PIP4K2A: variants seen among roughly 807,000 people sequenced by gnomAD.
The protein encoded by PIP4K2A is phosphatidylinositol-5-phosphate 4-kinase type 2 alpha, also known as phosphatidylinositol 5-phosphate 4-kinase type-2 alpha.
In PIP4K2A, 14 loss-of-function variants were observed where a neutral mutation model predicts 42.9. That is an observed-to-expected ratio of 0.33 (90% confidence interval 0.22 to 0.51). PIP4K2A has a LOEUF of 0.51. PIP4K2A is among the 20% of genes least tolerant of loss of function. PIP4K2A has a pLI of 0.97. For synonymous variants in PIP4K2A, 192 were observed against 192.2 expected (o/e 1.00, Z 0.01); for missense variants, 434 against 519.8 (o/e 0.83, Z 1.61).
chr10:22,687,329 A>G (rs1839785445), intron 1 of PIP4K2A, among the ~76,000 whole-genome samples: 1 of 152,128 alleles, frequency 6.6e-6, no homozygotes, highest in Non-Finnish European at 1.5e-5. Context: ...AAGGTCAGGT[A>G]TGCATTTAAT....
chr10:22,664,880 G>A (rs1050558800), intron 1 of PIP4K2A, among the ~76,000 whole-genome samples: 1 of 151,956 alleles, frequency 6.6e-6, no homozygotes, highest in South Asian at 2.1e-4. Flanking sequence ...AACACAAAAT[G>A]GAAAACTGGA....
chr10:22,610,400 G>A (rs1332018931), intron 1 of PIP4K2A, among the ~76,000 whole-genome samples: 2 of 152,192 alleles, frequency 1.3e-5, no homozygotes, highest in Non-Finnish European at 2.9e-5. Flanking sequence ...ACACAATTTT[G>A]AAAAACCTGA....
At chr10:22,601,157 A>AC (rs1564437925) in intron 3 of PIP4K2A, among the ~76,000 whole-genome samples, 12 of 134,772 alleles carry the variant, frequency 8.9e-5, no homozygotes, top group Admixed American at 3.0e-4. Context: ...AAAAAAAAAA[A>AC]AAAAAACAAA....
At chr10:22,551,890 T>C (rs1836418727) in intron 6 of PIP4K2A, among the ~76,000 whole-genome samples, 2 of 152,202 alleles carry the variant, frequency 1.3e-5, no homozygotes, top group African/African-American at 2.4e-5. Flanking sequence ...ATCTTTCACA[T>C]GCTCGAACTG....
chr10:22,703,533 C>T (rs78403926), intron 1 of PIP4K2A, among the ~76,000 whole-genome samples: 13,011 of 152,244 alleles, frequency 0.085, 724 homozygotes, highest in Middle Eastern at 0.21. Context: ...GCAGCTGGAA[C>T]ATAGGAATCA....
chr10:22,650,655 T>C (rs1180405558), intron 1 of PIP4K2A, among the ~76,000 whole-genome samples: 1 of 152,224 alleles, frequency 6.6e-6, no homozygotes, highest in East Asian at 1.9e-4. Flanking sequence ...AGAAAGTTAA[T>C]GTTCTCAACA....
At chr10:22,696,260 G>A (rs1165836171) in intron 1 of PIP4K2A, among the ~76,000 whole-genome samples, 2 of 152,176 alleles carry the variant, frequency 1.3e-5, no homozygotes, top group African/African-American at 2.4e-5. Context: ...TAAAAGAACT[G>A]TGTTTTTGTT....
chr10:22,576,700 A>G (rs1017061725), intron 4 of PIP4K2A, among the ~76,000 whole-genome samples: 1 of 152,226 alleles, frequency 6.6e-6, no homozygotes, highest in Non-Finnish European at 1.5e-5. Flanking sequence ...GGTGCATAAA[A>G]AGTAGTATGG....
chr10:22,595,618 G>A (rs1240856031), intron 3 of PIP4K2A, among the ~76,000 whole-genome samples: 1 of 152,080 alleles, frequency 6.6e-6, no homozygotes, highest in African/African-American at 2.4e-5. Flanking sequence ...TCAGCCAGGT[G>A]TGGTGGTGCA....
chr10:22,564,539 A>C lies in PIP4K2A; in HGVS notation c.678+3312T>G, dbSNP rs548846821. Among the ~76,000 whole-genome samples, 6 of 152,278 alleles carry C rather than the reference A, an allele frequency of 3.9e-5. No individual in the cohort carries two copies. In the East Asian group the frequency reaches 1.2e-3, roughly 29 times the overall value. On this transcript the variant is annotated intron_variant, in intron 6 of 9. Transcript: ENST00000376573. Reference sequence around the variant, plus strand: ...CCCTGGCATTTCCTCTGAGGAGAAAATCTCAACAAAATTTAGCCTCTGAGC... The same window carrying C: ...CCCTGGCATTTCCTCTGAGGAGAAACTCTCAACAAAATTTAGCCTCTGAGC...
chr10:22,612,719 G>A (rs1356102558), intron 1 of PIP4K2A, among the ~76,000 whole-genome samples: 3 of 151,808 alleles, frequency 2.0e-5, no homozygotes, highest in Non-Finnish European at 4.4e-5. Flanking sequence ...CTGCATGCAT[G>A]CGGGGGAAGC....
intron 1 of PIP4K2A, among the ~76,000 whole-genome samples, chr10:22,687,302 T>C (rs922786825): frequency 1.1e-4 from 16 of 152,202 alleles, no homozygotes; most frequent in South Asian, 1.0e-3. Flanking sequence ...TGATTTTATA[T>C]GTGGACTCTT....
At chr10:22,686,632 T>TA (rs1839769689) in intron 1 of PIP4K2A, among the ~76,000 whole-genome samples, 1 of 152,150 alleles carries the variant, frequency 6.6e-6, no homozygotes, top group African/African-American at 2.4e-5. Context: ...AACTAATTAG[T>TA]TAAAAAAATT....
At position 22,627,154 on chromosome 10, in the gene PIP4K2A, C is replaced by T. The variant is rs539776763; in HGVS notation, c.145-17437G>A. Among the ~76,000 whole-genome samples, 98 of 152,274 alleles carry T rather than the reference C, an allele frequency of 6.4e-4. 1 individual carries two copies. Among genetic ancestry groups the T allele is most frequent in the African/African-American group, 2.3e-3 (95 of 41,568 alleles). On this transcript the variant is annotated intron_variant, in intron 1 of 9. Transcript: ENST00000376573. ...AGAGAATCCTAATTCCTAATTAGAT[C>T]AATTAACATTAATTTCTCATTCTCC...
intron 8 of PIP4K2A, among the ~76,000 whole-genome samples, chr10:22,541,559 T>C (rs796200931): frequency 7.9e-5 from 12 of 152,356 alleles, no homozygotes; most frequent in African/African-American, 2.9e-4. Context: ...ATGTATAGTA[T>C]AGTTCGTGGT....
At chr10:22,569,909 G>T (rs776757775) in intron 5 of PIP4K2A, among the ~76,000 whole-genome samples, 2 of 152,244 alleles carry the variant, frequency 1.3e-5, no homozygotes, top group African/African-American at 2.4e-5. Context: ...ACAACTGAGA[G>T]CACTGGCAAG....
At chr10:22,556,829 A>T (rs1588623600) in intron 6 of PIP4K2A, among the ~76,000 whole-genome samples, 1 of 152,232 alleles carries the variant, frequency 6.6e-6, no homozygotes, top group East Asian at 1.9e-4. Flanking sequence ...TATTATAGAC[A>T]TTTCTCCCTC....
chr10:22,557,962 A>G (rs1836593479), intron 6 of PIP4K2A, among the ~76,000 whole-genome samples: 1 of 152,248 alleles, frequency 6.6e-6, no homozygotes, highest in African/African-American at 2.4e-5. Context: ...ACTAGGTTTT[A>G]ATGCAAAGGA....
intron 1 of PIP4K2A, among the ~76,000 whole-genome samples, chr10:22,682,571 T>C (rs567126792): frequency 4.9e-4 from 75 of 152,332 alleles, no homozygotes; most frequent in Admixed American, 3.2e-3. Context: ...CTTGAGAGTT[T>C]AGCTAACAAA....
Sources: gnomAD v4.1 joint callset for allele counts (sites outside exome capture counted in the v4.1 genomes callset) on GRCh38, gnomAD v4.1.1 for gene constraint, MANE v1.5 for transcripts, NCBI Gene and HGNC (gene_info 2026-07-23, HGNC 2026-07-21) for gene names.